Variants in SNTG1 observed in about 807,000 individuals in gnomAD.
SNTG1 encodes gamma-1-syntrophin.
A neutral mutation model predicts 74.7 loss-of-function variants in SNTG1; 39 were observed. The observed-to-expected ratio is 0.52, with a 90% CI of 0.40 to 0.68. The LOEUF (loss-of-function observed/expected upper bound fraction) is 0.68, where lower values mean the gene tolerates loss of function less well. Ranked by LOEUF, SNTG1 falls within the 30% of genes least tolerant of loss-of-function variation. The pLI is 0.00. For synonymous variants in SNTG1, 254 were observed against 217.1 expected, an observed-to-expected ratio of 1.17 and a Z score of -1.49; for missense variants, 685 against 609.5, an observed-to-expected ratio of 1.12 and a Z score of -1.30.
At chr8:49,964,269 A>G (rs1411499309) in intron 1 of SNTG1, among the ~76,000 whole-genome samples, 1 of 152,228 alleles carries the variant, frequency 6.6e-6, no homozygotes, top group Non-Finnish European at 1.5e-5. Flanking sequence ...CCCCACAAGG[A>G]GGAGGGAGTC....
chr8:50,096,332 A>AT (rs964134122), intron 1 of SNTG1, among the ~76,000 whole-genome samples: 3 of 152,136 alleles, frequency 2.0e-5, no homozygotes, highest in South Asian at 2.1e-4. Flanking sequence ...TGTTTCATTG[A>AT]TTTTTTTGGC....
At chr8:50,608,321 A>T (rs79517629) in intron 13 of SNTG1, among the ~76,000 whole-genome samples, 7,651 of 151,718 alleles carry the variant, frequency 0.05, 363 homozygotes, top group African/African-American at 0.12. Flanking sequence ...ACTCTCATTT[A>T]AAAATTTTTT....
intron 2 of SNTG1, among the ~76,000 whole-genome samples, chr8:50,352,477 A>C (rs923226160): frequency 6.6e-6 from 1 of 151,384 alleles, no homozygotes; most frequent in Non-Finnish European, 1.5e-5. Context: ...TGCAACCTCC[A>C]CCTCCCAGGT....
In SNTG1 at chr8:49,911,934, G is replaced by A. The variant is rs548120277; in HGVS notation, c.-400G>A. 1.3e-5 allele frequency: 2 copies of A among 152,352 alleles called. No homozygotes were observed. The highest frequency in any genetic ancestry group is 3.9e-4 in the East Asian group (2 of 5,176). The allele number at this position is 152,352 out of a possible 1,614,324, so 9.4% of individuals were successfully genotyped here. ...GCTGTACCTAAGGACAGGACTCTGAGGAGTACTCTTGCTCCACAGATTAAA... is the reference window on the plus strand; with the variant it reads ...GCTGTACCTAAGGACAGGACTCTGAAGAGTACTCTTGCTCCACAGATTAAA... On this transcript the variant is annotated 5_prime_UTR_variant, in exon 1 of 19. Transcript: ENST00000642720.
intron 9 of SNTG1, among the ~76,000 whole-genome samples, chr8:50,515,045 C>G (rs1298615503): frequency 6.6e-6 from 1 of 152,094 alleles, no homozygotes; most frequent in Non-Finnish European, 1.5e-5. Flanking sequence ...ACTCTGCTCC[C>G]TTTTATATCA....
intron 9 of SNTG1, among the ~76,000 whole-genome samples, chr8:50,512,140 G>A (rs1453287521): frequency 6.6e-6 from 1 of 151,946 alleles, no homozygotes; most frequent in African/African-American, 2.4e-5. Flanking sequence ...GCATTTGCTT[G>A]TCTGTAAAGT....
In SNTG1 at chr8:50,322,311, T is replaced by TTGCTTTGTTTTGTTC. The variant is rs1300889325; in HGVS notation, c.-27-71899_-27-71885dup. Among the ~76,000 whole-genome samples, 3 of 152,270 alleles carry TTGCTTTGTTTTGTTC rather than the reference T, an allele frequency of 2.0e-5. No individual in the cohort carries two copies. The East Asian group carries it at 5.8e-4, about 29-fold the overall frequency. On this transcript the variant is annotated intron_variant, in intron 2 of 18. Transcript: ENST00000642720. ...TGTTTTTTTCTTTGTTTGTTTTGGT[T>TTGCTTTGTTTTGTTC]TGCTTTGTTTTGTTCTTCTTCAGCA...
intron 1 of SNTG1, among the ~76,000 whole-genome samples, chr8:49,935,344 G>A (rs1807969794): frequency 6.7e-6 from 1 of 149,384 alleles, no homozygotes; most frequent in African/African-American, 2.5e-5. Flanking sequence ...TGTCTTAGGG[G>A]ATTCCCATAC....
chr8:50,696,099 T>C (rs1367315648), intron 15 of SNTG1, among the ~76,000 whole-genome samples: 1 of 152,014 alleles, frequency 6.6e-6, no homozygotes, highest in African/African-American at 2.4e-5. Context: ...GTATAAGCAT[T>C]TCCTTTTCTC....
intron 17 of SNTG1, among the ~76,000 whole-genome samples, chr8:50,720,482 C>G (rs1283839512): frequency 6.6e-6 from 1 of 152,150 alleles, no homozygotes; most frequent in Non-Finnish European, 1.5e-5. Context: ...GATGCAGTCC[C>G]TCCCCTCAAG....
At chr8:50,107,435 TTTAA>T (rs1289433979) in intron 1 of SNTG1, among the ~76,000 whole-genome samples, 14 of 152,226 alleles carry the variant, frequency 9.2e-5, no homozygotes, top group Non-Finnish European at 1.5e-4. Context: ...TAAATACTTC[TTTAA>T]TTATGTTATA....
At chr8:50,703,548 A>C (rs1270781234) in intron 15 of SNTG1, among the ~76,000 whole-genome samples, 1 of 152,124 alleles carries the variant, frequency 6.6e-6, no homozygotes, top group Non-Finnish European at 1.5e-5. Flanking sequence ...TAATAAATAG[A>C]AGGAGTACAC....
chr8:50,438,077 G>A (rs112043755), intron 4 of SNTG1, among the ~76,000 whole-genome samples: 4,237 of 152,204 alleles, frequency 0.028, 189 homozygotes, highest in African/African-American at 0.096. Context: ...TAGCATTTCT[G>A]TGCTGGCCAC....
chr8:50,737,410 G>A (rs11985569), intron 17 of SNTG1, among the ~76,000 whole-genome samples: 31,416 of 151,898 alleles, frequency 0.21, 3,363 homozygotes, highest in South Asian at 0.31. Context: ...AATTGAGGTA[G>A]TAATTAATAA....
At chr8:50,779,775 T>C (rs2095653140) in intron 18 of SNTG1, among the ~76,000 whole-genome samples, 1 of 152,052 alleles carries the variant, frequency 6.6e-6, no homozygotes, top group Non-Finnish European at 1.5e-5. Flanking sequence ...CATCCTGTCT[T>C]GTGCCAGTTT....
chr8:50,661,258 A>G (rs1194950629), intron 15 of SNTG1, among the ~76,000 whole-genome samples: 1 of 152,186 alleles, frequency 6.6e-6, no homozygotes, highest in Admixed American at 6.5e-5. Flanking sequence ...AAATAATAAT[A>G]TGTAGGAAGG....
At chr8:50,194,408 T>C (rs2083688393) in intron 2 of SNTG1, among the ~76,000 whole-genome samples, 2 of 152,104 alleles carry the variant, frequency 1.3e-5, no homozygotes. Flanking sequence ...AAGTTGTATT[T>C]TTCCAGGAAT....
intron 8 of SNTG1, among the ~76,000 whole-genome samples, chr8:50,491,921 T>C (rs895873148): frequency 7.3e-6 from 1 of 137,494 alleles, no homozygotes. Context: ...GTGTGTGATG[T>C]TCCCCTTCCT....
At chr8:50,479,835 G>A (rs1372529012) in intron 8 of SNTG1, among the ~76,000 whole-genome samples, 1 of 152,034 alleles carries the variant, frequency 6.6e-6, no homozygotes, top group Non-Finnish European at 1.5e-5. Flanking sequence ...AACCTGAATT[G>A]TTTTCTATTG....
Sources: gnomAD v4.1 joint callset for allele counts (sites outside exome capture counted in the v4.1 genomes callset) on GRCh38, gnomAD v4.1.1 for gene constraint, MANE v1.5 for transcripts, NCBI Gene and HGNC (gene_info 2026-07-23, HGNC 2026-07-21) for gene names.